Variants in FMN1 observed in about 807,000 individuals in gnomAD.
FMN1 encodes formin-1.
A neutral mutation model predicts 132.4 loss-of-function variants in FMN1; 110 were observed. The observed-to-expected ratio is 0.83, with a 90% confidence interval of 0.71 to 0.97. The LOEUF is 0.97. Among genes scored for constraint, FMN1 ranks in the 50% least tolerant of loss-of-function variants. The pLI is 0.00. For missense variants in FMN1, 1,792 were observed against 1,705.3 expected (o/e 1.05, Z -0.90); for synonymous variants, 722 against 651.7 (o/e 1.11, Z -1.64).
At chr15:33,174,856 T>C (rs973089177) in intron 3 of FMN1, among the ~76,000 whole-genome samples, 2 of 152,234 alleles carry the variant, frequency 1.3e-5, no homozygotes, top group Non-Finnish European at 2.9e-5. Flanking sequence ...CACACTTTAG[T>C]GTTTCCAACA....
intron 4 of FMN1, among the ~76,000 whole-genome samples, chr15:33,149,467 C>T (rs928542467): frequency 6.6e-6 from 1 of 152,160 alleles, no homozygotes; most frequent in African/African-American, 2.4e-5. Flanking sequence ...TTTGCCACTA[C>T]AGACAATGCT....
At chr15:33,052,697 G>C (rs1323524927) in intron 6 of FMN1, among the ~76,000 whole-genome samples, 3 of 152,194 alleles carry the variant, frequency 2.0e-5, no homozygotes, top group Non-Finnish European at 4.4e-5. Flanking sequence ...CAAAGCTAAA[G>C]ACAGTTTAAA....
chr15:32,919,703 G>A (rs926741663), intron 10 of FMN1, among the ~76,000 whole-genome samples: 1 of 152,134 alleles, frequency 6.6e-6, no homozygotes, highest in Non-Finnish European at 1.5e-5. Flanking sequence ...AAGACCAAAA[G>A]CCTTTTGAGT....
chr15:33,110,488 A>G, intron 4 of FMN1, among the ~76,000 whole-genome samples: 1 of 151,986 alleles, frequency 6.6e-6, no homozygotes, highest in East Asian at 1.9e-4. Context: ...TGAATCTTCT[A>G]TATTTTTCTA....
chr15:32,836,376 A>G (rs1005330202), intron 17 of FMN1, among the ~76,000 whole-genome samples: 6 of 152,160 alleles, frequency 3.9e-5, no homozygotes, highest in Non-Finnish European at 8.8e-5. Flanking sequence ...ATCATAATTT[A>G]CTTTTATTTA....
chr15:33,127,080 G>GTATC (rs1339311154), intron 4 of FMN1, among the ~76,000 whole-genome samples: 3 of 152,202 alleles, frequency 2.0e-5, no homozygotes, highest in Non-Finnish European at 4.4e-5. Flanking sequence ...TCCAGGCACT[G>GTATC]TATCAGGAGC....
At chr15:32,992,533 C>G (rs1182164619) in intron 7 of FMN1, among the ~76,000 whole-genome samples, 2 of 152,092 alleles carry the variant, frequency 1.3e-5, no homozygotes, top group Non-Finnish European at 2.9e-5. Flanking sequence ...GATTATAGAT[C>G]ATATCTTAGT....
chr15:32,900,175 A>C (rs556797171), intron 13 of FMN1, 50 bp from the exon 14 acceptor site: 1 of 1,592,588 alleles, frequency 6.3e-7, no homozygotes, highest in East Asian at 2.2e-5. Flanking sequence ...AAATGCACCC[A>C]TGTTCATTCA....
chr15:33,053,902 T>A (rs2037095607), intron 6 of FMN1, among the ~76,000 whole-genome samples: 1 of 152,188 alleles, frequency 6.6e-6, no homozygotes, highest in Admixed American at 6.5e-5. Flanking sequence ...TCTTTTTTCC[T>A]TTTCTTTTCT....
intron 9 of FMN1, among the ~76,000 whole-genome samples, chr15:32,936,833 A>C (rs548541035): frequency 1.4e-4 from 22 of 152,334 alleles, no homozygotes; most frequent in African/African-American, 4.6e-4. Flanking sequence ...GTGAAACACT[A>C]GACACAAGCT....
chr15:33,019,555 T>C (rs345838), intron 6 of FMN1, among the ~76,000 whole-genome samples: 7 of 151,786 alleles, frequency 4.6e-5, no homozygotes, highest in Non-Finnish European at 8.8e-5. Flanking sequence ...GGGGAGGCTC[T>C]GGCAGCGCAG....
intron 3 of FMN1, among the ~76,000 whole-genome samples, chr15:33,175,899 G>C: frequency 6.6e-6 from 1 of 152,124 alleles, no homozygotes. Context: ...ATTCCATAAT[G>C]CCTCATACTT....
chr15:32,985,813 G>A (rs920083235), intron 7 of FMN1, among the ~76,000 whole-genome samples: 3 of 152,028 alleles, frequency 2.0e-5, no homozygotes, highest in Non-Finnish European at 2.9e-5. Context: ...GATGACAGTC[G>A]ATCAATTGAT....
chr15:33,191,132 T>C (rs1354991841), intron 2 of FMN1, among the ~76,000 whole-genome samples: 1 of 149,366 alleles, frequency 6.7e-6, no homozygotes, highest in Non-Finnish European at 1.5e-5. Context: ...ACCGTGCCAC[T>C]GCACTCCAGC....
chr15:33,043,449 T>C (rs1173986186), intron 6 of FMN1, among the ~76,000 whole-genome samples: 2 of 152,232 alleles, frequency 1.3e-5, no homozygotes, highest in African/African-American at 2.4e-5. Context: ...GTACATCACT[T>C]GCCTTTTGCC....
chr15:32,995,402 C>T (rs531647416), intron 7 of FMN1, among the ~76,000 whole-genome samples: 2 of 152,086 alleles, frequency 1.3e-5, no homozygotes, highest in East Asian at 1.9e-4. Context: ...TTAGTCTCTG[C>T]GTAATATTAG....
chr15:32,902,390 T>C (rs75518050), intron 12 of FMN1, among the ~76,000 whole-genome samples: 299 of 152,308 alleles, frequency 2.0e-3, no homozygotes, highest in African/African-American at 6.5e-3. Context: ...AGAAAAATTA[T>C]GCAATAAACT....
chr15:32,829,483 A>G (rs1183922973), intron 17 of FMN1, among the ~76,000 whole-genome samples: 2 of 152,208 alleles, frequency 1.3e-5, no homozygotes, highest in Non-Finnish European at 2.9e-5. Flanking sequence ...TTACATTAAA[A>G]TTAATATTAA....
intron 16 of FMN1, among the ~76,000 whole-genome samples, chr15:32,870,771 C>T (rs564908202): frequency 1.3e-5 from 2 of 152,226 alleles, no homozygotes; most frequent in South Asian, 2.1e-4. Context: ...GGGTGTTAAG[C>T]GATTCAAACA....
Sources: allele counts gnomAD v4.1 joint callset (sites outside exome capture counted in the v4.1 genomes callset), GRCh38; gene constraint gnomAD v4.1.1; transcripts MANE v1.5; gene names NCBI Gene and HGNC (gene_info 2026-07-23, HGNC 2026-07-21).